FANCC: variants seen among roughly 807,000 people sequenced by gnomAD.
The protein encoded by FANCC is FA complementation group C.
FANCC carries 55 observed loss-of-function variants against 71.3 expected under a neutral mutation model. The ratio of observed to expected loss-of-function variants is 0.77; its 90% CI spans 0.62 to 0.97. The LOEUF (loss-of-function observed/expected upper bound fraction) is 0.97. Ranked by LOEUF, FANCC falls within the 50% of genes least tolerant of loss-of-function variation. The pLI is 0.00. For synonymous variants in FANCC, 275 were observed against 244.9 expected, an observed-to-expected ratio of 1.12 and a Z score of -1.15; for missense variants, 678 against 670.9, an observed-to-expected ratio of 1.01 and a Z score of -0.12.
intron 4 of FANCC, among the ~76,000 whole-genome samples, chr9:95,184,119 C>A (rs147431665): frequency 2.1e-4 from 32 of 151,890 alleles, no homozygotes; most frequent in Middle Eastern, 3.4e-3. Flanking sequence ...CTTCTCCCCC[C>A]CTTTTTTTAA....
chr9:95,118,961 A>G (rs1237118946), intron 10 of FANCC, among the ~76,000 whole-genome samples: 1 of 152,196 alleles, frequency 6.6e-6, no homozygotes, highest in Non-Finnish European at 1.5e-5. Flanking sequence ...TCACAGATAG[A>G]TGCTTGTTTA....
intron 12 of FANCC, 111 bp from the exon 13 acceptor site, chr9:95,111,748 C>A: frequency 8.1e-7 from 1 of 1,234,064 alleles, no homozygotes; most frequent in Non-Finnish European, 1.2e-6. Flanking sequence ...TACTTATCCA[C>A]TGAAGTGCAA....
At chr9:95,298,207 A>G (rs4647373) in intron 1 of FANCC, among the ~76,000 whole-genome samples, 34,422 of 152,048 alleles carry the variant, frequency 0.23, 5,061 homozygotes, top group Non-Finnish European at 0.33. Flanking sequence ...AGTATTTAGT[A>G]TTTAGATCAG....
chr9:95,102,462 G>T (rs966281949), intron 14 of FANCC, among the ~76,000 whole-genome samples: 3 of 152,192 alleles, frequency 2.0e-5, no homozygotes, highest in Admixed American at 6.5e-5. Context: ...AAAAGGGAAG[G>T]GTGAGAATCT....
chr9:95,277,757 G>A (rs1833131346), intron 1 of FANCC, among the ~76,000 whole-genome samples: 1 of 151,924 alleles, frequency 6.6e-6, no homozygotes, highest in African/African-American at 2.4e-5. Context: ...AGAAAAACAT[G>A]GGAAAACATA....
chr9:95,244,678 CAAAAAAAAAAAAAAA>C (rs576605250), intron 3 of FANCC, among the ~76,000 whole-genome samples: 177 of 41,576 alleles, frequency 4.3e-3, no homozygotes, highest in Non-Finnish European at 6.0e-3. Context: ...GACTTTGTCT[CAAAAAAAAAAAAAAA>C]AAAAAAAAAA....
intron 1 of FANCC, among the ~76,000 whole-genome samples, chr9:95,255,234 G>T (rs1831587133): frequency 6.6e-6 from 1 of 152,142 alleles, no homozygotes; most frequent in South Asian, 2.1e-4. Flanking sequence ...CCTCAAGTGG[G>T]TCCCTGACCC....
chr9:95,201,361 C>T (rs1827794733), intron 4 of FANCC, among the ~76,000 whole-genome samples: 1 of 152,114 alleles, frequency 6.6e-6, no homozygotes, highest in African/African-American at 2.4e-5. Context: ...GTGGCTAACA[C>T]CACACAACTT....
intron 6 of FANCC, among the ~76,000 whole-genome samples, chr9:95,167,075 A>T (rs1166481854): frequency 6.6e-6 from 1 of 151,996 alleles, no homozygotes; most frequent in Non-Finnish European, 1.5e-5. Context: ...CAGATGCAGT[A>T]TTCTTGATTG....
At chr9:95,173,901 G>A (rs1402774221) in intron 4 of FANCC, among the ~76,000 whole-genome samples, 2 of 152,056 alleles carry the variant, frequency 1.3e-5, no homozygotes, top group Admixed American at 1.3e-4. Flanking sequence ...TGTCTCCAAG[G>A]AAAAGAAAAG....
intron 1 of FANCC, among the ~76,000 whole-genome samples, chr9:95,292,025 T>C (rs1426156268): frequency 7.5e-6 from 1 of 133,434 alleles, no homozygotes; most frequent in East Asian, 2.2e-4. Context: ...CAATCTTGCG[T>C]CAAAAAAACA....
chr9:95,162,338 T>G (rs2135523753), intron 6 of FANCC, among the ~76,000 whole-genome samples: 1 of 152,218 alleles, frequency 6.6e-6, no homozygotes, highest in East Asian at 1.9e-4. Flanking sequence ...ATACCATATT[T>G]TCTTTATTCA....
At chr9:95,115,365 C>T (rs1050897406) in intron 11 of FANCC, among the ~76,000 whole-genome samples, 2 of 152,186 alleles carry the variant, frequency 1.3e-5, no homozygotes, top group Non-Finnish European at 2.9e-5. Context: ...ACACACTCCT[C>T]CATCACTAAT....
intron 4 of FANCC, among the ~76,000 whole-genome samples, chr9:95,197,808 C>A (rs115924364): frequency 1.1e-3 from 164 of 152,258 alleles, no homozygotes; most frequent in African/African-American, 3.8e-3. Context: ...AGTTACCAGG[C>A]AGAAGGCCAA....
In FANCC at chr9:95,100,812, G is replaced by A. The variant is rs1428687627; in HGVS notation, c.*895C>T. ...CACCCCGATAATTTTTGTATTTTTA[G>A]TAGAGATAGGGTATTGCCATGTTAG... On this transcript the variant is annotated 3_prime_UTR_variant, in exon 15 of 15. Coordinates refer to ENST00000289081, the MANE Select transcript of FANCC (RefSeq NM_000136.3). 8.8e-6 allele frequency: 2 copies of A among 226,510 alleles called. No homozygotes were observed. Among genetic ancestry groups the A allele is most frequent in the Non-Finnish European group, 8.8e-6 (1 of 113,826 alleles). The allele number at this position is 226,510 out of a possible 1,614,324, so 14.0% of individuals were successfully genotyped here.
chr9:95,214,017 AAAT>A (rs553381239), intron 4 of FANCC, among the ~76,000 whole-genome samples: 226 of 152,372 alleles, frequency 1.5e-3, no homozygotes, highest in Non-Finnish European at 2.4e-3. Flanking sequence ...CATGACATAC[AAAT>A]AGCTAACAAG....
intron 13 of FANCC, 106 bp downstream of exon 13, chr9:95,111,357 G>T: frequency 6.3e-7 from 1 of 1,597,916 alleles, no homozygotes; most frequent in Non-Finnish European, 8.5e-7. Context: ...TGTGGGCAGA[G>T]CTCAGGTGTC....
At position 95,287,332 on chromosome 9, in the gene FANCC, C is replaced by T. The variant is rs4647389; in HGVS notation, c.-79+30194G>A. Among the ~76,000 whole-genome samples the T allele has an allele frequency of 1.2e-3, 177 of 152,290 alleles. 3 individuals carry two copies. The East Asian group carries it at 0.03, about 26-fold the overall frequency. On this transcript the variant is annotated intron_variant, in intron 1 of 14. Coordinates refer to ENST00000289081, the MANE Select transcript of FANCC (RefSeq NM_000136.3). ...CAAAAGCAAAAATTTTCAACAACCTCAACCTAAACTTAAGGAGGAACTATC... is the reference window on the plus strand; with the variant it reads ...CAAAAGCAAAAATTTTCAACAACCTTAACCTAAACTTAAGGAGGAACTATC...
intron 8 of FANCC, among the ~76,000 whole-genome samples, chr9:95,131,338 C>T (rs914954730): frequency 1.3e-5 from 2 of 152,242 alleles, no homozygotes; most frequent in African/African-American, 4.8e-5. Context: ...GAAAGCTCCT[C>T]AGCCCCCTGC....
Sources: gnomAD v4.1 joint callset for allele counts (sites outside exome capture counted in the v4.1 genomes callset) on GRCh38, gnomAD v4.1.1 for gene constraint, MANE v1.5 for transcripts, NCBI Gene and HGNC (gene_info 2026-07-23, HGNC 2026-07-21) for gene names.